Variants in DPP6 observed in about 807,000 individuals in gnomAD.
DPP6 encodes the protein dipeptidyl peptidase like 6.
A neutral mutation model predicts 122.6 loss-of-function variants in DPP6; 69 were observed. That is an observed-to-expected ratio of 0.56 (90% CI 0.46 to 0.69). The LOEUF (loss-of-function observed/expected upper bound fraction) is 0.69, where lower values mean the gene tolerates loss of function less well. Ranked by LOEUF, DPP6 falls within the 30% of genes least tolerant of loss-of-function variation. The probability of loss-of-function intolerance (pLI) is 0.00; values close to 1 mark genes in which losing one functional copy is unlikely to be tolerated. For synonymous variants in DPP6, 418 were observed against 433.1 expected (o/e 0.97, Z 0.43); for missense variants, 928 against 1,116.9 (o/e 0.83, Z 2.41).
intron 1 of DPP6, among the ~76,000 whole-genome samples, chr7:154,377,000 C>A (rs1351207497): frequency 4.6e-5 from 7 of 152,130 alleles, no homozygotes; most frequent in African/African-American, 1.7e-4. Flanking sequence ...ACAGCAAACA[C>A]TTTTAGTGAC....
At chr7:154,756,342 A>ATACG (rs1843667986) in intron 8 of DPP6, among the ~76,000 whole-genome samples, 1 of 152,126 alleles carries the variant, frequency 6.6e-6, no homozygotes. Context: ...GCCCCTGCCT[A>ATACG]TACGTCTCCA....
chr7:154,575,810 G>A (rs1178635052), intron 5 of DPP6, among the ~76,000 whole-genome samples: 4 of 151,106 alleles, frequency 2.6e-5, no homozygotes, highest in Non-Finnish European at 5.9e-5. Context: ...GTGTTTGTGT[G>A]TGTAGTGTGT....
At chr7:153,777,292 T>C in the DPP6 span, among the ~76,000 whole-genome samples, 3 of 152,026 alleles carry the variant, frequency 2.0e-5, no homozygotes, top group African/African-American at 4.8e-5. Flanking sequence ...TTACTTGTGG[T>C]AATGCAAAAT....
At chr7:154,646,501 G>A (rs1374353693) in intron 6 of DPP6, among the ~76,000 whole-genome samples, 3 of 152,238 alleles carry the variant, frequency 2.0e-5, no homozygotes, top group South Asian at 4.1e-4. Context: ...TCAAGCCACA[G>A]CGTCAAAACC....
At chr7:153,856,182 G>T in the DPP6 span, among the ~76,000 whole-genome samples, 1 of 152,168 alleles carries the variant, frequency 6.6e-6, no homozygotes, top group Non-Finnish European at 1.5e-5. Context: ...TGGCAGCTAG[G>T]TTGGTGGTTT....
intron 1 of DPP6, among the ~76,000 whole-genome samples, chr7:154,386,251 C>T (rs1052864360): frequency 2.1e-4 from 32 of 152,052 alleles, no homozygotes; most frequent in Admixed American, 9.8e-4. Context: ...TTTCCAGTGC[C>T]CCCATATTGA....
intron 1 of DPP6, among the ~76,000 whole-genome samples, chr7:154,035,528 G>A (rs888504462): frequency 7.2e-5 from 11 of 151,942 alleles, no homozygotes; most frequent in East Asian, 3.9e-4. Flanking sequence ...TTCCTTGCAG[G>A]AATTACTTGT....
intron 1 of DPP6, among the ~76,000 whole-genome samples, chr7:153,994,641 AC>A (rs1797342438): frequency 1.3e-5 from 2 of 152,008 alleles, no homozygotes; most frequent in Non-Finnish European, 2.9e-5. Flanking sequence ...AGTGATTTAA[AC>A]TTATTTTTCT....
chr7:153,804,334 G>A, the DPP6 span, among the ~76,000 whole-genome samples: 1 of 152,084 alleles, frequency 6.6e-6, no homozygotes, highest in South Asian at 2.1e-4. Flanking sequence ...TTACAGGCAT[G>A]AGCCACAGTG....
At chr7:154,642,328 C>T (rs1836155671) in intron 6 of DPP6, among the ~76,000 whole-genome samples, 2 of 152,132 alleles carry the variant, frequency 1.3e-5, no homozygotes, top group Non-Finnish European at 2.9e-5. Flanking sequence ...CATGGTGGCT[C>T]ATGCCTGTAA....
intron 1 of DPP6, among the ~76,000 whole-genome samples, chr7:154,398,233 G>A (rs1439383563): frequency 3.3e-5 from 5 of 152,120 alleles, no homozygotes; most frequent in Non-Finnish European, 7.4e-5. Flanking sequence ...ACCTCTGTGA[G>A]GTACTCATTT....
intron 7 of DPP6, among the ~76,000 whole-genome samples, chr7:154,690,226 C>G (rs750275214): frequency 2.7e-4 from 41 of 152,172 alleles, no homozygotes; most frequent in Non-Finnish European, 5.6e-4. Flanking sequence ...CTCAGATTCC[C>G]AGGTTGTTAT....
chr7:153,942,227 C>A lies in DPP6; in HGVS notation c.51+54493C>A, dbSNP rs1305964159. On this transcript the variant is annotated intron_variant, in intron 1 of 25. Transcript: ENST00000404039. The stretch of plus-strand genomic sequence containing the variant: ...CATCTTCTGTGTGCCAGGCACCACC[C>A]CACGCCTGGCATCCTGCCAATGGCC... Among the ~76,000 whole-genome samples, 4 of 152,366 alleles carry A rather than the reference C, an allele frequency of 2.6e-5. No homozygotes were observed. The East Asian group carries it at 7.7e-4, about 29-fold the overall frequency.
chr7:154,464,797 T>A (rs1377540009), intron 2 of DPP6, among the ~76,000 whole-genome samples: 1 of 152,184 alleles, frequency 6.6e-6, no homozygotes, highest in East Asian at 1.9e-4. Flanking sequence ...ACAGACAAAA[T>A]GAATGCCTGC....
chr7:153,892,210 T>A (rs774314517), intron 1 of DPP6, among the ~76,000 whole-genome samples: 7 of 152,232 alleles, frequency 4.6e-5, no homozygotes, highest in Non-Finnish European at 7.3e-5. Context: ...TAAAGCAGAA[T>A]GGCATTCCAG....
At chr7:154,417,708 T>G (rs1362060869) in intron 1 of DPP6, among the ~76,000 whole-genome samples, 1 of 152,216 alleles carries the variant, frequency 6.6e-6, no homozygotes, top group Non-Finnish European at 1.5e-5. Context: ...ACTCTGTCCT[T>G]TGGATGGTGA....
At chr7:154,666,883 T>C (rs539433447) in intron 6 of DPP6, among the ~76,000 whole-genome samples, 1 of 152,312 alleles carries the variant, frequency 6.6e-6, no homozygotes, top group Non-Finnish European at 1.5e-5. Flanking sequence ...GAAAGTTAAG[T>C]GTGTACTTTA....
chr7:153,865,008 G>A, the DPP6 span, among the ~76,000 whole-genome samples: 1 of 152,140 alleles, frequency 6.6e-6, no homozygotes, highest in South Asian at 2.1e-4. Flanking sequence ...CTCATCAGCA[G>A]TAGAAGATAA....
chr7:154,501,081 G>C (rs935740078), intron 3 of DPP6, among the ~76,000 whole-genome samples: 3 of 152,202 alleles, frequency 2.0e-5, no homozygotes, highest in Admixed American at 6.5e-5. Flanking sequence ...CCCTGCCCTA[G>C]AGATTTGTGG....
Sources: gnomAD v4.1 joint callset for allele counts (sites outside exome capture counted in the v4.1 genomes callset) on GRCh38, gnomAD v4.1.1 for gene constraint, MANE v1.5 for transcripts, NCBI Gene and HGNC (gene_info 2026-07-23, HGNC 2026-07-21) for gene names.